VPS41: variants seen among roughly 807,000 people sequenced by gnomAD.
VPS41 encodes the protein VPS41 subunit of HOPS complex, also known as vacuolar protein sorting-associated protein 41 homolog.
Under a neutral mutation model 130.9 loss-of-function variants are expected in VPS41, and 85 were observed. That is an observed-to-expected ratio of 0.65 (90% CI 0.55 to 0.78). VPS41 has a LOEUF of 0.78. Among genes scored for constraint, VPS41 ranks in the 30% least tolerant of loss-of-function variants. The pLI, the probability that VPS41 is intolerant of heterozygous loss-of-function variation, is 0.00. For missense variants in VPS41, 874 were observed against 1,018.7 expected (o/e 0.86, Z 1.93); for synonymous variants, 335 against 332.9 (o/e 1.01, Z -0.07).
At chr7:38,905,674 T>C (rs1787243254) in intron 1 of VPS41, among the ~76,000 whole-genome samples, 1 of 152,174 alleles carries the variant, frequency 6.6e-6, no homozygotes, top group African/African-American at 2.4e-5. Context: ...TAGTTTTGTG[T>C]TGCTAATCCT....
At chr7:38,877,480 G>T (rs1369076917) in intron 2 of VPS41, among the ~76,000 whole-genome samples, 1 of 152,162 alleles carries the variant, frequency 6.6e-6, no homozygotes, top group Non-Finnish European at 1.5e-5. Context: ...TAGAGGTCCT[G>T]CAAACTCAGT....
chr7:38,752,141 T>C, intron 22 of VPS41, 35 bp downstream of exon 22: 1 of 1,611,972 alleles, frequency 6.2e-7, no homozygotes, highest in Admixed American at 1.7e-5. Flanking sequence ...AACCTCTTCA[T>C]CCAAAGTGTA....
intron 13 of VPS41, among the ~76,000 whole-genome samples, chr7:38,771,969 A>G (rs74377075): frequency 0.032 from 4,915 of 152,012 alleles, 112 homozygotes; most frequent in Non-Finnish European, 0.048. Flanking sequence ...TTTGTTGTGG[A>G]TGTTGTTTTA....
chr7:38,754,620 GT>G, intron 21 of VPS41, 81 bp downstream of exon 21: 1 of 1,155,326 alleles, frequency 8.7e-7, no homozygotes, highest in South Asian at 1.3e-5. Flanking sequence ...ATTCACTCCA[GT>G]ATCCTCCTCG....
At chr7:38,819,051 C>T (rs1785115387) in intron 6 of VPS41, among the ~76,000 whole-genome samples, 2 of 152,218 alleles carry the variant, frequency 1.3e-5, no homozygotes, top group South Asian at 4.1e-4. Flanking sequence ...TTCTTAAACT[C>T]TCCCCCTAGC....
chr7:38,906,509 T>G (rs1195902881), intron 1 of VPS41, among the ~76,000 whole-genome samples: 3 of 152,116 alleles, frequency 2.0e-5, no homozygotes, highest in Non-Finnish European at 2.9e-5. Context: ...TGGCTAATTT[T>G]TGTAATTTTT....
chr7:38,821,508 A>G (rs1354536449), intron 5 of VPS41, among the ~76,000 whole-genome samples: 3 of 152,182 alleles, frequency 2.0e-5, no homozygotes, highest in Admixed American at 2.0e-4. Context: ...CAGGAGTTGA[A>G]GACCACCCTG....
At chr7:38,848,780 C>T (rs1208097384) in intron 4 of VPS41, among the ~76,000 whole-genome samples, 3 of 152,116 alleles carry the variant, frequency 2.0e-5, no homozygotes, top group Non-Finnish European at 2.9e-5. Flanking sequence ...CTCCAGAACC[C>T]GTCAACCATC....
At chr7:38,786,550 C>T (rs542897841) in intron 10 of VPS41, among the ~76,000 whole-genome samples, 10 of 152,098 alleles carry the variant, frequency 6.6e-5, no homozygotes, top group African/African-American at 1.7e-4. Context: ...TGAACAGATA[C>T]GTAATAAAGC....
chr7:38,892,632 T>C (rs1786891152), intron 2 of VPS41, among the ~76,000 whole-genome samples: 1 of 152,212 alleles, frequency 6.6e-6, no homozygotes, highest in African/African-American at 2.4e-5. Flanking sequence ...TGAAAATATA[T>C]TTAATACGGA....
At chr7:38,877,722 C>T (rs1786521266) in intron 2 of VPS41, among the ~76,000 whole-genome samples, 2 of 152,154 alleles carry the variant, frequency 1.3e-5, no homozygotes, top group South Asian at 4.1e-4. Flanking sequence ...GATAAAAATT[C>T]ACTATAGCAG....
At chr7:38,875,822 T>C (rs1022094235) in intron 2 of VPS41, among the ~76,000 whole-genome samples, 4 of 152,256 alleles carry the variant, frequency 2.6e-5, no homozygotes, top group Admixed American at 6.5e-5. Flanking sequence ...AAAAATGTTG[T>C]TAAATTTTCA....
intron 2 of VPS41, among the ~76,000 whole-genome samples, chr7:38,883,165 C>T (rs555823329): frequency 1.4e-3 from 207 of 152,296 alleles, no homozygotes; most frequent in Middle Eastern, 6.8e-3. Flanking sequence ...ATCACTTGAA[C>T]CTGGGAGGCA....
chr7:38,758,703 A>G (rs957614474), intron 17 of VPS41, among the ~76,000 whole-genome samples: 1 of 152,184 alleles, frequency 6.6e-6, no homozygotes, highest in Non-Finnish European at 1.5e-5. Context: ...ATAGACTGAG[A>G]CAGGATTAAA....
At chr7:38,728,827 G>A (rs778985850) in intron 25 of VPS41, 36 bp from the exon 26 acceptor site, 15 of 1,593,186 alleles carry the variant, frequency 9.4e-6, no homozygotes, top group Non-Finnish European at 1.2e-5. Context: ...GCCATCTTAA[G>A]TAGACTCAAA....
chr7:38,906,694 A>G (rs1285937415), intron 1 of VPS41, among the ~76,000 whole-genome samples: 3 of 152,168 alleles, frequency 2.0e-5, no homozygotes, highest in East Asian at 3.9e-4. Context: ...GCCCACTCCA[A>G]CTACATATTG....
At chr7:38,875,784 T>C (rs1185043578) in intron 2 of VPS41, among the ~76,000 whole-genome samples, 1 of 152,200 alleles carries the variant, frequency 6.6e-6, no homozygotes, top group Admixed American at 6.5e-5. Flanking sequence ...TGCTGAGAGA[T>C]AGGCAATTAC....
intron 4 of VPS41, among the ~76,000 whole-genome samples, chr7:38,862,257 A>G (rs1213614517): frequency 6.6e-6 from 1 of 152,208 alleles, no homozygotes; most frequent in African/African-American, 2.4e-5. Context: ...GACTATAATT[A>G]AGTAAAGAAT....
intron 25 of VPS41, among the ~76,000 whole-genome samples, chr7:38,736,652 A>G (rs1279314286): frequency 6.6e-6 from 1 of 152,260 alleles, no homozygotes; most frequent in African/African-American, 2.4e-5. Context: ...TATGATGTGG[A>G]AGACCACACA....
Sources: allele counts gnomAD v4.1 joint callset (sites outside exome capture counted in the v4.1 genomes callset), GRCh38; gene constraint gnomAD v4.1.1; transcripts MANE v1.5; gene names NCBI Gene and HGNC (gene_info 2026-07-23, HGNC 2026-07-21).